Variants in TTLL10 observed in about 807,000 individuals in gnomAD.
TTLL10 encodes the protein tubulin tyrosine ligase like 10.
TTLL10 carries 61 observed loss-of-function variants against 69.0 expected under a neutral mutation model. The observed-to-expected ratio is 0.88, with a 90% CI of 0.72 to 1.09. TTLL10 has a LOEUF of 1.09. Among genes scored for constraint, TTLL10 ranks in the 50% least tolerant of loss-of-function variants. TTLL10 has a pLI of 0.00. For missense variants in TTLL10, 962 were observed against 945.9 expected, an observed-to-expected ratio of 1.02 and a Z score of -0.22; for synonymous variants, 408 against 393.3, an observed-to-expected ratio of 1.04 and a Z score of -0.44.
At position 1,197,296 on chromosome 1, in the gene TTLL10, G is replaced by A. The variant is rs1466919390; in HGVS notation, c.1612+110G>A. 1.6e-5 allele frequency: 21 copies of A among 1,308,976 alleles called. No individual in the cohort carries two copies. The African/African-American group carries it at 1.8e-4, about 11-fold the overall frequency. The allele number at this position is 1,308,976 out of a possible 1,614,324, so 81.1% of individuals were successfully genotyped here. A position where few individuals can be genotyped will look rare whatever the true frequency, so the allele number is the denominator to read the frequency against. On this transcript the variant is annotated intron_variant, in intron 15 of 15. Coordinates refer to ENST00000379289, the MANE Select transcript of TTLL10 (RefSeq NM_001130045.2). ...CACAGATGGGGCTCTTCCACCTCCC[G>A]AGGGCCTGTGTGGCAGCGCCGCCCC...
Position 1,185,262 on chromosome 1 carries a change from T to C in TTLL10, c.1401+153T>C. The C allele has an allele frequency of 2.1e-6, 3 of 1,428,298 alleles. No homozygotes were observed. The highest frequency in any genetic ancestry group is 2.5e-4 in the Middle Eastern group (1 of 3,956). The allele number at this position is 1,428,298 out of a possible 1,614,324, so 88.5% of individuals were successfully genotyped here. A position where few individuals can be genotyped will look rare whatever the true frequency, so the allele number is the denominator to read the frequency against. On this transcript the variant is annotated intron_variant, in intron 13 of 15. Coordinates refer to ENST00000379289, the MANE Select transcript of TTLL10 (RefSeq NM_001130045.2). This position sits in a 1 kb window ranked among gnomAD's most constrained non-coding sequence, Gnocchi z 6.1. ...CGTGTGGAACCAAACCCTTCCAGCG[T>C]CTCTGCTCACTTAGCTGGCAGTGCC...
In TTLL10 at chr1:1,180,326, C is replaced by T. The variant is rs1344601181; in HGVS notation, c.492C>T (p.Ser164=). The change falls in exon 6 of 16, where the codon AGC becomes AGT. Residue 164 remains serine (S), a synonymous_variant. Transcript: ENST00000379289. ...RPGPFFYIGG[S]NGATIISSYC... ...GGCCCTTCTTCTACATTGGAGGCAG[C>T]AACGGGGCCACAATGTGAGTAGCGG... The T allele has an allele frequency of 1.3e-6, 2 of 1,574,762 alleles. No homozygotes were observed. Among genetic ancestry groups the T allele is most frequent in the Admixed American group, 1.8e-5 (1 of 54,918 alleles).
At chr1:1,191,654 A>G (rs1647791541) in intron 13 of TTLL10, among the ~76,000 whole-genome samples, 1 of 152,190 alleles carries the variant, frequency 6.6e-6, no homozygotes, top group African/African-American at 2.4e-5. Flanking sequence ...AATTAAAGAC[A>G]CACACAGAGA....
intron 11 of TTLL10, 75 bp from the exon 12 acceptor site, chr1:1,183,845 G>T: frequency 6.3e-7 from 1 of 1,581,484 alleles, no homozygotes. Flanking sequence ...GAACAGGCCC[G>T]GGGTGGGGTG....
chr1:1,180,457 G>GGGCCCCCCCC, intron 6 of TTLL10, 26 bp from the exon 7 acceptor site: 1 of 1,520,750 alleles, frequency 6.6e-7, no homozygotes, highest in Non-Finnish European at 8.9e-7. Context: ...CGGCCCCCAG[G>GGGCCCCCCCC]TCACCCCCGC....
chr1:1,179,008 CGCCAGGCCCCACAGCT>C (rs1646956031), intron 3 of TTLL10, among the ~76,000 whole-genome samples, 165 bp from the exon 4 acceptor site: 1 of 152,220 alleles, frequency 6.6e-6, no homozygotes, highest in South Asian at 2.1e-4. Flanking sequence ...CCCCACACGG[CGCCAGGCCCCACAGCT>C]GCCACAGAGA....
chr1:1,197,761 G>T lies in TTLL10; in HGVS notation c.1936G>T (p.Gly646Cys). The T allele has an allele frequency of 6.5e-7, 1 of 1,535,412 alleles. No individual in the cohort carries two copies. ...EPQAPGTEQS[G>C]TGNRHPAQEP... ...CCAGGCCCCGGGCACGGAGCAGTCG[G>T]GCACAGGCAACAGGCACCCGGCGCA... The change falls in exon 16 of 16, where the codon GGC becomes TGC. Residue 646 changes from glycine to cysteine, a missense_variant. Physicochemically the swap from Gly to Cys is radical, Grantham distance 159. Transcript: ENST00000379289.
rs535677702 is a variant in TTLL10 at position 1,179,591 on chromosome 1, G to A, written c.119-66G>A. The A allele has an allele frequency of 2.7e-5, 42 of 1,546,844 alleles. 1 individual carries two copies. The highest frequency in any genetic ancestry group is 4.9e-5 in the East Asian group (2 of 40,818). On this transcript the variant is annotated intron_variant, in intron 4 of 15. Transcript: ENST00000379289. ...CTGGAAGGGCAGCCCCTCGTCTCCC[G>A]GCCTGACAATGGCCCCTTGGGTCAC...
chr1:1,181,815 G>T lies in TTLL10; in HGVS notation c.830G>T (p.Arg277Met). The change falls in exon 9 of 16, where the codon AGG (arginine) becomes ATG (methionine). Residue 277 changes from arginine (R) to methionine (M), a missense_variant and splice_region_variant. Coordinates refer to ENST00000379289, the MANE Select transcript of TTLL10 (RefSeq NM_001130045.2). This position sits in a 1 kb window ranked among gnomAD's most constrained non-coding sequence, Gnocchi z 4.6. ...AGCCCAGGATACCTCAGGCCACAGA[G>T]GTAGACTCAGCCCAGCTGTGAGGGG... is the stretch of plus-strand genomic sequence containing the variant. ...WTSPGYLRPQ[R>M]VLRMEEFFPE... The T allele has an allele frequency of 6.2e-7, 1 of 1,603,998 alleles. No homozygotes were observed.
chr1:1,194,556 C>T (rs1648064622), intron 13 of TTLL10, among the ~76,000 whole-genome samples: 1 of 152,164 alleles, frequency 6.6e-6, no homozygotes, highest in African/African-American at 2.4e-5. Flanking sequence ...TCTTAATCTC[C>T]CCTTCATTTT....
chr1:1,177,822 G>C (rs1646922317), intron 3 of TTLL10, among the ~76,000 whole-genome samples: 1 of 152,212 alleles, frequency 6.6e-6, no homozygotes, highest in South Asian at 2.1e-4. Context: ...GCAGGGTCCA[G>C]CCTCTTCCAA....
In TTLL10 at chr1:1,180,541, G is replaced by A. The variant is rs780907240; in HGVS notation, c.565G>A (p.Asp189Asn). 5.1e-5 allele frequency: 79 copies of A among 1,552,554 alleles called. No individual in the cohort carries two copies. Among genetic ancestry groups the A allele is most frequent in the Non-Finnish European group, 6.1e-5 (70 of 1,147,828 alleles). Reference sequence around the variant, plus strand: ...GCGCATCCATGACAGCCGCCGGGACGACTACACGCTGAAGTGGTGTGAGGT... The same window carrying A: ...GCGCATCCATGACAGCCGCCGGGACAACTACACGCTGAAGTGGTGTGAGGT... ...WQRIHDSRRDDYTLKWCEVKS... is the reference protein window; with the variant it reads ...WQRIHDSRRDNYTLKWCEVKS... The change falls in exon 7 of 16, where the codon GAC (aspartate) becomes AAC (asparagine). Residue 189 changes from aspartate (D) to asparagine (N), a missense_variant. Asp to Asn is a conservative substitution (Grantham distance 23). Transcript: ENST00000379289.
In TTLL10 at chr1:1,185,175, G is replaced by A; in HGVS notation, c.1401+66G>A. On this transcript the variant is annotated intron_variant, in intron 13 of 15. Transcript: ENST00000379289. This position sits in a 1 kb window ranked among gnomAD's most constrained non-coding sequence, Gnocchi z 6.1. Reference sequence around the variant, plus strand: ...CGGGGCGGGGGTGTGTGGTCAGGCTGGGCACCAGGCACACAGATGTCCGTG... The same window carrying A: ...CGGGGCGGGGGTGTGTGGTCAGGCTAGGCACCAGGCACACAGATGTCCGTG... 6.3e-7 allele frequency: 1 copy of A among 1,581,676 alleles called. No individual in the cohort carries two copies. The highest frequency in any genetic ancestry group is 8.6e-7 in the Non-Finnish European group (1 of 1,162,042).
At chr1:1,194,157 A>G (rs1404773505) in intron 13 of TTLL10, among the ~76,000 whole-genome samples, 1 of 152,230 alleles carries the variant, frequency 6.6e-6, no homozygotes, top group African/African-American at 2.4e-5. Flanking sequence ...CCCTGTTTCT[A>G]AAATAAAAAA....
Position 1,178,222 on chromosome 1 carries a change from G to A in TTLL10, c.-27-967G>A, listed in dbSNP as rs553174527. ...CCCACAGCCTCTGCCCAACACTGCC[G>A]TGTGCTCCCCTGTCTCCTGGGCGAG... On this transcript the variant is annotated intron_variant, in intron 3 of 15. Coordinates refer to ENST00000379289, the MANE Select transcript of TTLL10 (RefSeq NM_001130045.2). Among the ~76,000 whole-genome samples the A allele has an allele frequency of 3.9e-5, 6 of 152,226 alleles. No individual in the cohort carries two copies. In the East Asian group the frequency reaches 5.8e-4, roughly 15 times the overall value.
chr1:1,197,594 C>T lies in TTLL10; in HGVS notation c.1769C>T (p.Thr590Ile). The T allele has an allele frequency of 6.6e-7, 1 of 1,512,954 alleles. No homozygotes were observed. The highest frequency in any genetic ancestry group is 8.8e-7 in the Non-Finnish European group (1 of 1,136,720). The allele number at this position is 1,512,954 out of a possible 1,614,324, so 93.7% of individuals were successfully genotyped here. ...CSLRRWPPLP[T>I]RQAKSSGPPM... ...CTCCGCCGCTGGCCGCCCCTGCCCA[C>T]CCGCCAGGCCAAGTCCTCCGGGCCA... is the stretch of plus-strand genomic sequence containing the variant. Residue 590 changes from threonine (T) to isoleucine (I), a missense_variant, in exon 16 of 16, where the codon ACC becomes ATC. Coordinates refer to ENST00000379289, the MANE Select transcript of TTLL10 (RefSeq NM_001130045.2).
chr1:1,183,881 C>A (rs1158810162), intron 11 of TTLL10, 39 bp from the exon 12 acceptor site: 2 of 1,612,246 alleles, frequency 1.2e-6, no homozygotes. Flanking sequence ...CAGGCTGGCC[C>A]CGTGGCTCAG....
chr1:1,196,849 G>A (rs1415561448), intron 14 of TTLL10, 133 bp downstream of exon 14: 3 of 783,908 alleles, frequency 3.8e-6, no homozygotes, highest in Admixed American at 2.1e-5. Context: ...TGCAGCCCTG[G>A]GGATGGGTGT....
In TTLL10 at chr1:1,197,854, C is replaced by T. The variant is rs1456804589; in HGVS notation, c.*7C>T. ...TGAGAACGCGAGGCCCTAGGGGCAGCCACCCGCGCCCAGCGCCCCGCGCCC... is the reference window on the plus strand; with the variant it reads ...TGAGAACGCGAGGCCCTAGGGGCAGTCACCCGCGCCCAGCGCCCCGCGCCC... On this transcript the variant is annotated 3_prime_UTR_variant, in exon 16 of 16. Coordinates refer to ENST00000379289, the MANE Select transcript of TTLL10 (RefSeq NM_001130045.2). The T allele has an allele frequency of 2.1e-6, 3 of 1,438,078 alleles. No individual in the cohort carries two copies. Among genetic ancestry groups the T allele is most frequent in the East Asian group, 2.8e-5 (1 of 35,416 alleles). 89.1% of individuals were successfully genotyped at this position (1,438,078 alleles called of 1,614,324 possible). A position where few individuals can be genotyped will look rare whatever the true frequency, so the allele number is the denominator to read the frequency against.
Sources: allele counts gnomAD v4.1 joint callset (sites outside exome capture counted in the v4.1 genomes callset), GRCh38; gene constraint gnomAD v4.1.1; non-coding constraint Gnocchi (gnomAD v3.1); transcripts MANE v1.5; gene names NCBI Gene and HGNC (gene_info 2026-07-23, HGNC 2026-07-21).